Variants in ARHGAP28 observed in about 807,000 individuals in gnomAD.
The protein encoded by ARHGAP28 is rho GTPase-activating protein 28.
A neutral mutation model predicts 90.7 loss-of-function variants in ARHGAP28; 56 were observed. That is an observed-to-expected ratio of 0.62 (90% CI 0.50 to 0.77). The LOEUF is 0.77. ARHGAP28 is among the 30% of genes least tolerant of loss of function. ARHGAP28 has a pLI of 0.00. For synonymous variants in ARHGAP28, 308 were observed against 323.3 expected (o/e 0.95, Z 0.51); for missense variants, 869 against 900.9 (o/e 0.96, Z 0.45).
At chr18:6,756,068 G>A (rs1032335791) in intron 1 of ARHGAP28, among the ~76,000 whole-genome samples, 37 of 152,158 alleles carry the variant, frequency 2.4e-4, no homozygotes, top group African/African-American at 8.7e-4. Context: ...ACTGACTGTG[G>A]GAACTTGGGC....
At chr18:6,864,175 C>G (rs1157694048) in intron 5 of ARHGAP28, among the ~76,000 whole-genome samples, 3 of 152,150 alleles carry the variant, frequency 2.0e-5, no homozygotes, top group African/African-American at 4.8e-5. Context: ...AAGCCATTCT[C>G]CTGCCTCTGC....
intron 1 of ARHGAP28, among the ~76,000 whole-genome samples, chr18:6,817,332 C>CAA (rs34524960): frequency 0.013 from 1,984 of 147,818 alleles, 20 homozygotes; most frequent in Non-Finnish European, 0.02. Context: ...AACAAACAAA[C>CAA]AAAAAAAAAA....
At chr18:6,831,745 T>G (rs1403609842) in intron 2 of ARHGAP28, among the ~76,000 whole-genome samples, 1 of 152,108 alleles carries the variant, frequency 6.6e-6, no homozygotes, top group Non-Finnish European at 1.5e-5. Context: ...TTGTACTGGC[T>G]AGGGCCTCTA....
intron 1 of ARHGAP28, among the ~76,000 whole-genome samples, chr18:6,742,096 T>C (rs949086275): frequency 2.0e-5 from 3 of 152,142 alleles, no homozygotes; most frequent in Non-Finnish European, 4.4e-5. Flanking sequence ...TAAGTTGGTA[T>C]AATTTGGTGA....
chr18:6,750,328 T>A (rs367928053), intron 1 of ARHGAP28, among the ~76,000 whole-genome samples: 8 of 152,310 alleles, frequency 5.3e-5, no homozygotes, highest in African/African-American at 1.9e-4. Flanking sequence ...TGTTGCTTTT[T>A]AAAAATTGTG....
intron 10 of ARHGAP28, among the ~76,000 whole-genome samples, chr18:6,878,246 C>CA (rs1483386615): frequency 2.7e-5 from 4 of 148,160 alleles, no homozygotes; most frequent in African/African-American, 1.0e-4. Context: ...ATCGCAAGGA[C>CA]AAAAAACCAA....
intron 1 of ARHGAP28, among the ~76,000 whole-genome samples, chr18:6,768,667 A>G (rs1567941042): frequency 6.6e-6 from 1 of 152,196 alleles, no homozygotes; most frequent in Non-Finnish European, 1.5e-5. Context: ...GGAGACCCCC[A>G]TATGGATTAA....
At chr18:6,772,804 G>A (rs1250277096) in intron 1 of ARHGAP28, among the ~76,000 whole-genome samples, 1 of 151,598 alleles carries the variant, frequency 6.6e-6, no homozygotes, top group East Asian at 1.9e-4. Context: ...GCACGGTCTC[G>A]GCTCACTGCA....
chr18:6,873,793 G>A lies in ARHGAP28; in HGVS notation c.1212+18G>A, dbSNP rs1180978308. On this transcript the variant is annotated intron_variant, in intron 9 of 17. Coordinates refer to ENST00000383472, the MANE Select transcript of ARHGAP28 (RefSeq NM_001366230.1). Reference sequence around the variant, plus strand: ...TACAAAAAGTGAGTAGCAGGCAAATGAAAGGGGAATTCACAGAGCCTCATG... The same window carrying A: ...TACAAAAAGTGAGTAGCAGGCAAATAAAAGGGGAATTCACAGAGCCTCATG... The A allele has an allele frequency of 6.3e-7, 1 of 1,599,182 alleles. No individual in the cohort carries two copies. Among genetic ancestry groups the A allele is most frequent in the African/African-American group, 1.3e-5 (1 of 74,580 alleles).
rs1555631529 is a variant in ARHGAP28 at position 6,841,208 on chromosome 18, C to CTCTCTCTCTCTCTCTCTCT, written c.543+3794_543+3795insTCTCTCTCTCTCTCTCTCT. On this transcript the variant is annotated intron_variant, in intron 3 of 17. Coordinates refer to ENST00000383472, the MANE Select transcript of ARHGAP28 (RefSeq NM_001366230.1). ...CTCTCTCTCTCTCTCTCTCTCCTCT[C>CTCTCTCTCTCTCTCTCTCT]CTCTCTCTCTCTCTCCCCCCAACCC... Among the ~76,000 whole-genome samples the CTCTCTCTCTCTCTCTCTCT allele has an allele frequency of 1.6e-3, 71 of 43,108 alleles. 3 individuals are homozygous for CTCTCTCTCTCTCTCTCTCT. Among genetic ancestry groups the CTCTCTCTCTCTCTCTCTCT allele is most frequent in the Admixed American group, 4.0e-3 (14 of 3,482 alleles). The allele number at this position is 43,108 out of a possible 152,430, so 28.3% of individuals were successfully genotyped here.
intron 1 of ARHGAP28, chr18:6,730,209 G>A (rs2055865170): frequency 2.3e-5 from 4 of 172,858 alleles, no homozygotes; most frequent in Non-Finnish European, 3.8e-5. Flanking sequence ...ACGATTTGAG[G>A]ATAAGTCATG....
chr18:6,884,025 A>T lies in ARHGAP28; in HGVS notation c.1453+1726A>T, dbSNP rs142971050. 2.5e-3 allele frequency among the ~76,000 whole-genome samples: 383 copies of T among 152,226 alleles called. 3 individuals carry two copies. The highest frequency in any genetic ancestry group is 8.3e-3 in the African/African-American group (344 of 41,542). The stretch of plus-strand genomic sequence containing the variant: ...GTTGAGGTGACCTATCTTTTCATTC[A>T]TTATAATCATATTTTCCTTCACATC... On this transcript the variant is annotated intron_variant, in intron 11 of 17. Transcript: ENST00000383472.
At chr18:6,877,648 G>T (rs749217455) in intron 10 of ARHGAP28, among the ~76,000 whole-genome samples, 10 of 152,166 alleles carry the variant, frequency 6.6e-5, no homozygotes, top group Non-Finnish European at 1.5e-4. Flanking sequence ...CTGAATGCTG[G>T]CACAAGTTCT....
chr18:6,827,216 C>T (rs1387998514), intron 2 of ARHGAP28, among the ~76,000 whole-genome samples: 1 of 152,164 alleles, frequency 6.6e-6, no homozygotes, highest in Non-Finnish European at 1.5e-5. Context: ...ACCTCCCAGA[C>T]AGGGTGGTGG....
chr18:6,785,379 C>T (rs1197750200), intron 1 of ARHGAP28, among the ~76,000 whole-genome samples: 1 of 152,256 alleles, frequency 6.6e-6, no homozygotes, highest in Non-Finnish European at 1.5e-5. Context: ...TCTTTCCTCA[C>T]TCCTTCCTGG....
intron 1 of ARHGAP28, among the ~76,000 whole-genome samples, chr18:6,747,171 C>T (rs2056030617): frequency 6.6e-6 from 1 of 150,884 alleles, no homozygotes. Context: ...GCTTGAGGAG[C>T]TTATATTGGA....
chr18:6,803,770 T>C (rs1303786487), intron 1 of ARHGAP28, among the ~76,000 whole-genome samples: 1 of 151,828 alleles, frequency 6.6e-6, no homozygotes, highest in Admixed American at 6.5e-5. Context: ...TTATTTCTTA[T>C]TTTTATTTTT....
intron 17 of ARHGAP28, among the ~76,000 whole-genome samples, chr18:6,910,215 C>G (rs965467125): frequency 3.9e-5 from 6 of 152,182 alleles, no homozygotes; most frequent in African/African-American, 1.4e-4. Flanking sequence ...CAAGGATGCC[C>G]TAAGCTTCTG....
intron 14 of ARHGAP28, among the ~76,000 whole-genome samples, chr18:6,893,474 C>T (rs2057281470): frequency 6.6e-6 from 1 of 152,230 alleles, no homozygotes; most frequent in South Asian, 2.1e-4. Flanking sequence ...GCCAGTTCAT[C>T]CATTGCTTTT....
Sources: allele counts gnomAD v4.1 joint callset (sites outside exome capture counted in the v4.1 genomes callset), GRCh38; gene constraint gnomAD v4.1.1; transcripts MANE v1.5; gene names NCBI Gene and HGNC (gene_info 2026-07-23, HGNC 2026-07-21).